CRHR1: variants seen among roughly 807,000 people sequenced by gnomAD.
The protein encoded by CRHR1 is corticotropin-releasing hormone receptor 1.
A neutral mutation model predicts 56.0 loss-of-function variants in CRHR1; 28 were observed. The observed-to-expected ratio is 0.50, with a 90% CI of 0.37 to 0.69. The LOEUF (loss-of-function observed/expected upper bound fraction) is 0.69. Among genes scored for constraint, CRHR1 ranks in the 30% least tolerant of loss-of-function variants. The probability of loss-of-function intolerance (pLI) is 0.00; values close to 1 mark genes in which losing one functional copy is unlikely to be tolerated. For missense variants in CRHR1, 376 were observed against 548.0 expected (o/e 0.69, Z 3.13); for synonymous variants, 195 against 216.5 (o/e 0.90, Z 0.87).
At chr17:45,832,201 C>T (rs145765409) in intron 8 of CRHR1, among the ~76,000 whole-genome samples, 2,175 of 152,318 alleles carry the variant, frequency 0.014, 47 homozygotes, top group African/African-American at 0.049. Flanking sequence ...CACTGCACTC[C>T]AGCCTGGGCA....
chr17:45,834,462 G>C (rs1393675588), intron 12 of CRHR1, among the ~76,000 whole-genome samples, 162 bp from the exon 13 acceptor site: 1 of 152,194 alleles, frequency 6.6e-6, no homozygotes, highest in Non-Finnish European at 1.5e-5. Context: ...AATATGCAAA[G>C]CAGTCGTGTT....
Position 45,834,864 on chromosome 17 carries a change from A to C in CRHR1, c.*100A>C. On this transcript the variant is annotated 3_prime_UTR_variant, in exon 13 of 13. Transcript: ENST00000314537. ...CTGTGGAGGTGACCTGTTAGGTCTC[A>C]TGCCCACTCCCCCAGGAGCAGCTGG... 3.3e-6 allele frequency: 5 copies of C among 1,500,614 alleles called. No homozygotes were observed. Among genetic ancestry groups the C allele is most frequent in the African/African-American group, 1.4e-5 (1 of 72,820 alleles). 93.0% of individuals were successfully genotyped at this position (1,500,614 alleles called of 1,614,324 possible). A position where few individuals can be genotyped will look rare whatever the true frequency, so the allele number is the denominator to read the frequency against.
At chr17:45,824,115 A>T (rs1404292306) in intron 4 of CRHR1, among the ~76,000 whole-genome samples, 4 of 152,034 alleles carry the variant, frequency 2.6e-5, no homozygotes, top group Non-Finnish European at 5.9e-5. Context: ...CCAGGTTAGG[A>T]GACTTAGTTG....
chr17:45,786,377 G>A (rs573039638), intron 1 of CRHR1, among the ~76,000 whole-genome samples: 7 of 152,186 alleles, frequency 4.6e-5, no homozygotes, highest in Admixed American at 2.0e-4. Context: ...GGTTTCAAAC[G>A]TTGGTTACAA....
chr17:45,805,162 A>T (rs910962312), intron 1 of CRHR1, among the ~76,000 whole-genome samples: 2 of 152,180 alleles, frequency 1.3e-5, no homozygotes, highest in African/African-American at 4.8e-5. Context: ...CCAAGCTCCA[A>T]CATGGCCCAG....
intron 1 of CRHR1, among the ~76,000 whole-genome samples, chr17:45,789,985 C>T (rs1411538116): frequency 6.6e-6 from 1 of 152,170 alleles, no homozygotes; most frequent in Non-Finnish European, 1.5e-5. Flanking sequence ...ATAGTAGTCA[C>T]TTAATAAATC....
intron 1 of CRHR1, chr17:45,799,543 G>T (rs1386095258): frequency 6.6e-6 from 1 of 152,232 alleles, no homozygotes; most frequent in Non-Finnish European, 1.5e-5. Flanking sequence ...GAGTCAGAAG[G>T]GTCGGATATT....
chr17:45,797,525 A>G (rs2061544273), intron 1 of CRHR1, among the ~76,000 whole-genome samples: 1 of 151,474 alleles, frequency 6.6e-6, no homozygotes, highest in African/African-American at 2.4e-5. Flanking sequence ...TGATCCGCCC[A>G]CCTCGGCCTC....
chr17:45,808,856 G>T (rs1434272163), intron 2 of CRHR1, among the ~76,000 whole-genome samples: 1 of 152,220 alleles, frequency 6.6e-6, no homozygotes, highest in Non-Finnish European at 1.5e-5. Context: ...CAGTTGCCCA[G>T]GCTGGAGTGC....
chr17:45,788,279 G>A (rs1279906274), intron 1 of CRHR1, among the ~76,000 whole-genome samples: 1 of 152,182 alleles, frequency 6.6e-6, no homozygotes, highest in African/African-American at 2.4e-5. Context: ...AATCAGCTGT[G>A]TGATGACAGG....
intron 4 of CRHR1, among the ~76,000 whole-genome samples, chr17:45,823,807 G>T (rs1241728563): frequency 6.6e-6 from 1 of 152,218 alleles, no homozygotes; most frequent in African/African-American, 2.4e-5. Flanking sequence ...CTGAGCTAAT[G>T]CGGGGCTCTG....
chr17:45,833,631 A>G (rs1348164818), intron 10 of CRHR1, 83 bp from the exon 11 acceptor site: 47 of 1,597,310 alleles, frequency 2.9e-5, no homozygotes, highest in Non-Finnish European at 3.7e-5. Context: ...CCCTCCCCCG[A>G]CCTGGCCCTC....
At chr17:45,833,299 AG>A in intron 9 of CRHR1, 89 bp downstream of exon 9, 1 of 1,497,348 alleles carries the variant, frequency 6.7e-7, no homozygotes, top group Non-Finnish European at 9.3e-7. Context: ...CTCTACCTAG[AG>A]GTGGGGGCCA....
chr17:45,804,012 C>T (rs2146299548), intron 1 of CRHR1, among the ~76,000 whole-genome samples: 1 of 152,304 alleles, frequency 6.6e-6, no homozygotes, highest in Middle Eastern at 3.4e-3. Context: ...CAAGAGCCAC[C>T]GGCTGGCCTG....
At chr17:45,833,693 T>TGGGGGGGGGGGCCCC in intron 10 of CRHR1, 21 bp from the exon 11 acceptor site, 4 of 1,571,608 alleles carry the variant, frequency 2.5e-6, no homozygotes, top group African/African-American at 1.4e-5. Flanking sequence ...ACTCCGAGCC[T>TGGGGGGGGGGGCCCC]CCCCACCCGC....
At chr17:45,818,759 T>A (rs1447369555) in intron 3 of CRHR1, among the ~76,000 whole-genome samples, 2 of 152,288 alleles carry the variant, frequency 1.3e-5, no homozygotes, top group South Asian at 2.1e-4. Flanking sequence ...AATTAATCCA[T>A]TTACTGATGA....
chr17:45,792,140 G>A (rs1479166734), intron 1 of CRHR1, among the ~76,000 whole-genome samples: 3 of 152,120 alleles, frequency 2.0e-5, no homozygotes, highest in East Asian at 3.9e-4. Flanking sequence ...TCAGCTGCCC[G>A]TGCCTGGCTG....
chr17:45,829,335 A>G lies in CRHR1; in HGVS notation c.434+14A>G. Reference sequence around the variant, plus strand: ...TCTGCGGCTCAGGTGAGAAGACCCCAGCACTGCCTCCTCCTGTCCCCAGGA... The same window carrying G: ...TCTGCGGCTCAGGTGAGAAGACCCCGGCACTGCCTCCTCCTGTCCCCAGGA... On this transcript the variant is annotated intron_variant, in intron 5 of 12. Coordinates refer to ENST00000314537, the MANE Select transcript of CRHR1 (RefSeq NM_004382.5). The G allele has an allele frequency of 6.2e-7, 1 of 1,602,474 alleles. No homozygotes were observed. Among genetic ancestry groups the G allele is most frequent in the Non-Finnish European group, 8.5e-7 (1 of 1,170,306 alleles).
At chr17:45,813,270 C>CGCG (rs1471861516) in intron 2 of CRHR1, among the ~76,000 whole-genome samples, 2 of 152,210 alleles carry the variant, frequency 1.3e-5, no homozygotes, top group Non-Finnish European at 2.9e-5. Context: ...AACTCCACTC[C>CGCG]GCGGCTGAGG....
Sources: allele counts gnomAD v4.1 joint callset (sites outside exome capture counted in the v4.1 genomes callset), GRCh38; gene constraint gnomAD v4.1.1; transcripts MANE v1.5; gene names NCBI Gene and HGNC (gene_info 2026-07-23, HGNC 2026-07-21).